KCND2: variants seen among roughly 807,000 people sequenced by gnomAD.
KCND2 encodes the protein A-type voltage-gated potassium channel KCND2.
In KCND2, 16 loss-of-function variants were observed where a neutral mutation model predicts 54.4. The observed-to-expected ratio is 0.29, with a 90% CI of 0.20 to 0.45. The LOEUF is 0.45. Among genes scored for constraint, KCND2 ranks in the 20% least tolerant of loss-of-function variants. KCND2 has a pLI of 1.00. For synonymous variants in KCND2, 317 were observed against 310.7 expected (o/e 1.02, Z -0.21); for missense variants, 486 against 824.2 (o/e 0.59, Z 5.02).
Position 120,560,474 on chromosome 7 carries a change from T to A in KCND2, c.1116-172429T>A, listed in dbSNP as rs372003248. ...TAAGAGCCAATATCATCTTAAATGA[T>A]AGGGATTCAGTTTCTATGGAGCCCT... On this transcript the variant is annotated intron_variant, in intron 1 of 5. Transcript: ENST00000331113. Among the ~76,000 whole-genome samples the A allele has an allele frequency of 4.6e-5, 7 of 152,206 alleles. No homozygotes were observed. The East Asian group carries it at 1.3e-3, about 29-fold the overall frequency.
chr7:120,305,614 A>G (rs1319193863), intron 1 of KCND2, among the ~76,000 whole-genome samples: 1 of 152,060 alleles, frequency 6.6e-6, no homozygotes, highest in African/African-American at 2.4e-5. Flanking sequence ...CCTATTCAAA[A>G]TCCTCAGTGG....
intron 1 of KCND2, among the ~76,000 whole-genome samples, chr7:120,523,235 C>T (rs371805408): frequency 2.4e-4 from 36 of 152,102 alleles, no homozygotes; most frequent in African/African-American, 8.7e-4. Flanking sequence ...TTAACATTAA[C>T]ACTTAGTAGC....
At chr7:120,404,274 T>C (rs1297198017) in intron 1 of KCND2, among the ~76,000 whole-genome samples, 1 of 152,208 alleles carries the variant, frequency 6.6e-6, no homozygotes. Context: ...GATTTTATGA[T>C]ACTGTGTGAC....
intron 1 of KCND2, among the ~76,000 whole-genome samples, chr7:120,730,220 C>T (rs539135268): frequency 6.6e-6 from 1 of 151,296 alleles, no homozygotes; most frequent in Non-Finnish European, 1.5e-5. Flanking sequence ...TTTTAAAAGC[C>T]GTGTGTGTGT....
intron 1 of KCND2, among the ~76,000 whole-genome samples, chr7:120,311,197 A>G (rs1286957103): frequency 6.6e-6 from 1 of 152,140 alleles, no homozygotes; most frequent in Non-Finnish European, 1.5e-5. Flanking sequence ...GCATCTTCCT[A>G]TTAGCAAAAC....
chr7:120,272,955 C>CCA (rs1465449328), upstream of KCND2, among the ~76,000 whole-genome samples: 3 of 152,054 alleles, frequency 2.0e-5, no homozygotes, highest in Non-Finnish European at 4.4e-5. Flanking sequence ...AGGCACGGGT[C>CCA]CCCTTTCTCC....
chr7:120,519,476 A>T (rs1214920531), intron 1 of KCND2, among the ~76,000 whole-genome samples: 1 of 152,148 alleles, frequency 6.6e-6, no homozygotes. Flanking sequence ...AACCTGTCTG[A>T]GCTTGGGAGC....
chr7:120,377,564 A>G (rs199521918), intron 1 of KCND2, among the ~76,000 whole-genome samples: 1 of 20,034 alleles, frequency 5.0e-5, no homozygotes, highest in African/African-American at 5.3e-5. Context: ...TCACCCCAAG[A>G]AAAAAAAAAG....
At chr7:120,491,695 T>C (rs11765060) in intron 1 of KCND2, among the ~76,000 whole-genome samples, 8,022 of 152,054 alleles carry the variant, frequency 0.053, 297 homozygotes, top group Admixed American at 0.092. Context: ...AAAAAATGAA[T>C]TCTGAAAACT....
chr7:120,627,051 ATCAT>A (rs1793172798), intron 1 of KCND2, among the ~76,000 whole-genome samples: 1 of 152,202 alleles, frequency 6.6e-6, no homozygotes, highest in Non-Finnish European at 1.5e-5. Flanking sequence ...TATGGTGTCC[ATCAT>A]ACACCAAGAG....
intron 1 of KCND2, among the ~76,000 whole-genome samples, chr7:120,453,040 T>C (rs1028849309): frequency 6.6e-6 from 1 of 152,286 alleles, no homozygotes; most frequent in East Asian, 1.9e-4. Flanking sequence ...TGCCTGACCA[T>C]TGGAGAGCTC....
intron 1 of KCND2, among the ~76,000 whole-genome samples, chr7:120,619,438 T>G (rs987285736): frequency 2.0e-5 from 3 of 152,174 alleles, no homozygotes; most frequent in African/African-American, 7.2e-5. Context: ...ATTATTAACA[T>G]GTTAGAAAAC....
intron 1 of KCND2, among the ~76,000 whole-genome samples, chr7:120,283,239 T>C (rs147072790): frequency 1.2e-4 from 19 of 152,218 alleles, no homozygotes; most frequent in Non-Finnish European, 2.2e-4. Context: ...AGGGGCTTAG[T>C]AGCAAATGGA....
At chr7:120,320,333 A>G (rs777130246) in intron 1 of KCND2, among the ~76,000 whole-genome samples, 1 of 152,176 alleles carries the variant, frequency 6.6e-6, no homozygotes, top group Non-Finnish European at 1.5e-5. Flanking sequence ...GCCTAGTATA[A>G]TGGATGTGAC....
intron 1 of KCND2, among the ~76,000 whole-genome samples, chr7:120,543,906 T>C (rs1484905762): frequency 1.3e-5 from 2 of 151,966 alleles, no homozygotes; most frequent in Non-Finnish European, 2.9e-5. Flanking sequence ...AATTATTATC[T>C]TCTATGAATT....
intron 1 of KCND2, among the ~76,000 whole-genome samples, chr7:120,438,802 C>T (rs1174930835): frequency 1.3e-5 from 2 of 152,102 alleles, no homozygotes; most frequent in African/African-American, 2.4e-5. Flanking sequence ...TTATTGTGCT[C>T]ATTCAACCTG....
chr7:120,492,629 G>T (rs1266465283), intron 1 of KCND2, among the ~76,000 whole-genome samples: 1 of 152,130 alleles, frequency 6.6e-6, no homozygotes, highest in East Asian at 1.9e-4. Flanking sequence ...GCTCTCTAGA[G>T]TTTCTTTTAT....
Position 120,568,367 on chromosome 7 carries a change from T to C in KCND2, c.1116-164536T>C, listed in dbSNP as rs78788628. Among the ~76,000 whole-genome samples, 1,031 of 152,194 alleles carry C rather than the reference T, an allele frequency of 6.8e-3. 10 individuals are homozygous for C. Among genetic ancestry groups the C allele is most frequent in the Middle Eastern group, 0.017 (5 of 294 alleles). ...ATACTTAGCAAAATGTACAATTTCA[T>C]TATTAGGATAAAAGACCAATCAAGA... On this transcript the variant is annotated intron_variant, in intron 1 of 5. Transcript: ENST00000331113.
intron 1 of KCND2, among the ~76,000 whole-genome samples, chr7:120,422,747 T>C (rs1042827324): frequency 1.1e-4 from 17 of 152,192 alleles, no homozygotes; most frequent in Admixed American, 9.8e-4. Context: ...CCACTGTCTG[T>C]GAAGGTAGCT....
Sources: gnomAD v4.1 joint callset for allele counts (sites outside exome capture counted in the v4.1 genomes callset) on GRCh38, gnomAD v4.1.1 for gene constraint, MANE v1.5 for transcripts, NCBI Gene and HGNC (gene_info 2026-07-23, HGNC 2026-07-21) for gene names.